Variants in MED27 observed in about 807,000 individuals in gnomAD.
MED27 encodes the protein mediator complex subunit 27.
Under a neutral mutation model 38.2 loss-of-function variants are expected in MED27, and 30 were observed. That is an observed-to-expected ratio of 0.79 (90% CI 0.59 to 1.07). MED27 has a LOEUF of 1.07. Among genes scored for constraint, MED27 ranks in the 50% least tolerant of loss-of-function variants. The pLI is 0.00. For missense variants in MED27, 289 were observed against 397.5 expected (o/e 0.73, Z 2.32); for synonymous variants, 122 against 153.5 (o/e 0.79, Z 1.52).
intron 2 of MED27, among the ~76,000 whole-genome samples, chr9:132,026,929 A>G (rs1035967632): frequency 6.6e-6 from 1 of 152,258 alleles, no homozygotes; most frequent in Non-Finnish European, 1.5e-5. Flanking sequence ...ATTGAGGCAC[A>G]GACGTTAAGC....
chr9:132,046,153 A>G (rs1833332904), intron 2 of MED27, among the ~76,000 whole-genome samples: 1 of 152,234 alleles, frequency 6.6e-6, no homozygotes, highest in African/African-American at 2.4e-5. Flanking sequence ...TGACGAATCG[A>G]GAGAAGAAAA....
chr9:131,960,192 T>C (rs575671528), intron 3 of MED27, among the ~76,000 whole-genome samples: 1 of 152,268 alleles, frequency 6.6e-6, no homozygotes, highest in Admixed American at 6.5e-5. Context: ...GCTTTAGAAA[T>C]AGAAGCCAGG....
At chr9:132,058,754 A>G (rs976968825) in intron 2 of MED27, among the ~76,000 whole-genome samples, 18 of 152,170 alleles carry the variant, frequency 1.2e-4, no homozygotes, top group Non-Finnish European at 2.5e-4. Flanking sequence ...CCACATCTCT[A>G]CAACTTCAGT....
At chr9:131,941,649 G>C (rs1830787623) in intron 3 of MED27, among the ~76,000 whole-genome samples, 1 of 151,924 alleles carries the variant, frequency 6.6e-6, no homozygotes, top group African/African-American at 2.4e-5. Context: ...AGAAGGCCAA[G>C]GGAGACTTTG....
intron 3 of MED27, among the ~76,000 whole-genome samples, chr9:131,943,058 A>C (rs576271424): frequency 6.6e-6 from 1 of 152,330 alleles, no homozygotes; most frequent in African/African-American, 2.4e-5. Flanking sequence ...AAAGCTCAGC[A>C]AACTCAAAGA....
intron 4 of MED27, among the ~76,000 whole-genome samples, chr9:131,909,697 A>G (rs1254983404): frequency 2.0e-5 from 3 of 152,260 alleles, no homozygotes; most frequent in African/African-American, 7.2e-5. Flanking sequence ...ATGGAAAAAT[A>G]TGTCCCACAG....
intron 2 of MED27, among the ~76,000 whole-genome samples, chr9:132,067,316 G>A (rs890628132): frequency 2.6e-5 from 4 of 152,320 alleles, no homozygotes; most frequent in African/African-American, 9.6e-5. Context: ...TCATCTTGCA[G>A]GGAAAACAGA....
chr9:131,904,043 C>T (rs923653390), intron 4 of MED27, among the ~76,000 whole-genome samples: 1 of 152,036 alleles, frequency 6.6e-6, no homozygotes, highest in Non-Finnish European at 1.5e-5. Flanking sequence ...GGATTACAGG[C>T]ATGCAACCAC....
chr9:131,960,976 G>A (rs1368670670), intron 3 of MED27, among the ~76,000 whole-genome samples: 3 of 152,152 alleles, frequency 2.0e-5, no homozygotes, highest in African/African-American at 7.2e-5. Context: ...CAGGAGAGTC[G>A]AAGAAATGAC....
At chr9:132,076,557 C>A (rs777533786) in intron 2 of MED27, among the ~76,000 whole-genome samples, 27 of 152,002 alleles carry the variant, frequency 1.8e-4, no homozygotes, top group Admixed American at 1.8e-3. Flanking sequence ...ACCACAGAAA[C>A]GAGGAAAATG....
chr9:131,985,233 C>T (rs551290853), intron 3 of MED27, among the ~76,000 whole-genome samples: 2 of 152,106 alleles, frequency 1.3e-5, no homozygotes, highest in Admixed American at 1.3e-4. Context: ...ACTCTGGCAT[C>T]CCCTTTCTTT....
chr9:131,896,537 A>G (rs942909055), intron 4 of MED27, among the ~76,000 whole-genome samples: 3 of 152,282 alleles, frequency 2.0e-5, no homozygotes, highest in African/African-American at 7.2e-5. Flanking sequence ...ACTAATACTT[A>G]AAAATATAAA....
intron 3 of MED27, among the ~76,000 whole-genome samples, chr9:131,951,011 G>C (rs1830985389): frequency 6.6e-6 from 1 of 152,166 alleles, no homozygotes; most frequent in African/African-American, 2.4e-5. Context: ...CCCCTTTACT[G>C]AGGGCATTAC....
chr9:132,079,089 A>T (rs879558361), intron 1 of MED27, among the ~76,000 whole-genome samples: 5 of 152,132 alleles, frequency 3.3e-5, no homozygotes, highest in Admixed American at 6.6e-5. Flanking sequence ...GGGAGTGAGG[A>T]AACTGATCAG....
At chr9:131,874,572 G>A (rs1365832052) in intron 6 of MED27, among the ~76,000 whole-genome samples, 1 of 152,170 alleles carries the variant, frequency 6.6e-6, no homozygotes, top group African/African-American at 2.4e-5. Context: ...GAGAAGCAGA[G>A]GTGGACACTG....
chr9:131,921,835 T>C (rs1033976498), intron 4 of MED27, among the ~76,000 whole-genome samples: 7 of 152,198 alleles, frequency 4.6e-5, no homozygotes, highest in Non-Finnish European at 7.3e-5. Flanking sequence ...TGGAATACTA[T>C]GCAGCCATAA....
chr9:131,903,334 GGAAAGACC>G (rs1403074057), intron 4 of MED27, among the ~76,000 whole-genome samples: 1 of 152,094 alleles, frequency 6.6e-6, no homozygotes, highest in Admixed American at 6.5e-5. Context: ...GAACGGCACG[GGAAAGACC>G]CACCCCCATG....
At chr9:132,053,305 G>A (rs1195815049) in intron 2 of MED27, among the ~76,000 whole-genome samples, 1 of 151,974 alleles carries the variant, frequency 6.6e-6, no homozygotes, top group East Asian at 1.9e-4. Context: ...CTGTGAGTTA[G>A]GCTGGCTGCT....
chr9:131,926,702 A>G (rs1447434046), intron 4 of MED27, among the ~76,000 whole-genome samples: 1 of 152,232 alleles, frequency 6.6e-6, no homozygotes, highest in Non-Finnish European at 1.5e-5. Flanking sequence ...ACCTCAAAGA[A>G]CTCGGGGTGG....
Sources: gnomAD v4.1 joint callset for allele counts (sites outside exome capture counted in the v4.1 genomes callset) on GRCh38, gnomAD v4.1.1 for gene constraint, MANE v1.5 for transcripts, NCBI Gene and HGNC (gene_info 2026-07-23, HGNC 2026-07-21) for gene names.